PRKAG2: variants seen among roughly 807,000 people sequenced by gnomAD.
The protein encoded by PRKAG2 is protein kinase AMP-activated non-catalytic subunit gamma 2.
In PRKAG2, 26 loss-of-function variants were observed where a neutral mutation model predicts 69.6. That is an observed-to-expected ratio of 0.37 (90% CI 0.27 to 0.52). PRKAG2 has a LOEUF of 0.52. Among genes scored for constraint, PRKAG2 ranks in the 20% least tolerant of loss-of-function variants. PRKAG2 has a pLI of 0.90. For synonymous variants in PRKAG2, 293 were observed against 285.0 expected (o/e 1.03, Z -0.28); for missense variants, 557 against 740.0 (o/e 0.75, Z 2.87).
intron 3 of PRKAG2, among the ~76,000 whole-genome samples, chr7:151,725,754 G>A (rs576385406): frequency 6.6e-6 from 1 of 152,168 alleles, no homozygotes; most frequent in Non-Finnish European, 1.5e-5. Context: ...TCAGCACCCG[G>A]GGCCCCCAGG....
chr7:151,667,925 T>A (rs944402350), intron 4 of PRKAG2, among the ~76,000 whole-genome samples: 1 of 152,220 alleles, frequency 6.6e-6, no homozygotes, highest in Non-Finnish European at 1.5e-5. Context: ...ATGGTGGTTA[T>A]GTTAAGTTTT....
chr7:151,819,325 G>A (rs534354799), intron 1 of PRKAG2, among the ~76,000 whole-genome samples: 1 of 152,296 alleles, frequency 6.6e-6, no homozygotes, highest in South Asian at 2.1e-4. Context: ...TGGACCTGCC[G>A]CCTAAAATCG....
At chr7:151,761,381 A>T (rs1174309561) in intron 3 of PRKAG2, among the ~76,000 whole-genome samples, 3 of 152,168 alleles carry the variant, frequency 2.0e-5, no homozygotes, top group Non-Finnish European at 4.4e-5. Flanking sequence ...TGTAGATAAC[A>T]TCACTATTAG....
intron 1 of PRKAG2, among the ~76,000 whole-genome samples, chr7:151,873,939 A>T (rs944552517): frequency 7.9e-5 from 12 of 152,034 alleles, no homozygotes; most frequent in African/African-American, 2.4e-4. Context: ...ATATTTTTTT[A>T]AAAAACTAGG....
chr7:151,736,190 T>C, intron 3 of PRKAG2: 1 of 1,417,998 alleles, frequency 7.1e-7, no homozygotes, highest in Non-Finnish European at 9.2e-7. Context: ...CAGGGCGACC[T>C]CACCGCAGCC....
chr7:151,560,850 T>C (rs767968381), intron 14 of PRKAG2, among the ~76,000 whole-genome samples: 3 of 151,678 alleles, frequency 2.0e-5, no homozygotes, highest in Admixed American at 1.3e-4. Flanking sequence ...GAAGTGGAGG[T>C]TGCAGTGGGC....
Position 151,614,459 on chromosome 7 carries a change from C to A in PRKAG2, c.754+17610G>T, listed in dbSNP as rs1275103182. Among the ~76,000 whole-genome samples, 1 of 152,116 alleles carries A rather than the reference C, an allele frequency of 6.6e-6. No homozygotes were observed. Among genetic ancestry groups the A allele is most frequent in the Non-Finnish European group, 1.5e-5 (1 of 68,018 alleles). ...GCTGAAAAAATCAGGGCTGCGTGGACGCTCAGTCAGAGGAGAAAAGAGGCA... is the reference window on the plus strand; with the variant it reads ...GCTGAAAAAATCAGGGCTGCGTGGAAGCTCAGTCAGAGGAGAAAAGAGGCA... On this transcript the variant is annotated intron_variant, in intron 5 of 15. Transcript: ENST00000287878. This position sits in a 1 kb window ranked among gnomAD's most constrained non-coding sequence, Gnocchi z 4.4.
intron 1 of PRKAG2, among the ~76,000 whole-genome samples, chr7:151,866,018 T>TG (rs1586747407): frequency 2.3e-5 from 2 of 86,326 alleles, no homozygotes; most frequent in Non-Finnish European, 4.9e-5. Flanking sequence ...AGACTCTGTC[T>TG]CAAAAAAAAA....
intron 1 of PRKAG2, among the ~76,000 whole-genome samples, chr7:151,846,039 C>G (rs994880249): frequency 6.6e-6 from 1 of 152,192 alleles, no homozygotes. Context: ...GCCAGACCTC[C>G]CGGCCTGATC....
At chr7:151,574,005 CTG>C (rs1265501873) in intron 8 of PRKAG2, among the ~76,000 whole-genome samples, 1 of 152,156 alleles carries the variant, frequency 6.6e-6, no homozygotes, top group African/African-American at 2.4e-5. Flanking sequence ...TCTCCAACTC[CTG>C]ACCTCAAGTG....
chr7:151,821,807 C>T (rs1397914421), intron 1 of PRKAG2, among the ~76,000 whole-genome samples: 2 of 152,224 alleles, frequency 1.3e-5, no homozygotes, highest in Non-Finnish European at 1.5e-5. Flanking sequence ...GTCATTTAGC[C>T]TCTCTATGCC....
At chr7:151,792,726 G>A (rs958103345) in intron 1 of PRKAG2, among the ~76,000 whole-genome samples, 1 of 152,270 alleles carries the variant, frequency 6.6e-6, no homozygotes, top group African/African-American at 2.4e-5. Context: ...TACAATATCA[G>A]GGTCACGATA....
intron 1 of PRKAG2, among the ~76,000 whole-genome samples, chr7:151,817,860 C>T (rs1259276910): frequency 1.3e-5 from 2 of 152,162 alleles, no homozygotes; most frequent in Non-Finnish European, 2.9e-5. Flanking sequence ...AGCCTGGCTC[C>T]GTACAGCACA....
chr7:151,631,390 T>C (rs922372129), intron 5 of PRKAG2, among the ~76,000 whole-genome samples: 9 of 152,202 alleles, frequency 5.9e-5, no homozygotes, highest in African/African-American at 2.2e-4. Flanking sequence ...TCACATTCCA[T>C]TTTAAATATT....
At position 151,729,052 on chromosome 7, in the gene PRKAG2, G is replaced by A. The variant is rs531055986; in HGVS notation, c.466+52100C>T. ...AGTCCTCGGGGAGCAGCACCTCTGG[G>A]AGAGCTGGGCCACTTGTCCAGGGTT... On this transcript the variant is annotated intron_variant, in intron 3 of 15. Coordinates refer to ENST00000287878, the MANE Select transcript of PRKAG2 (RefSeq NM_016203.4). Among the ~76,000 whole-genome samples the A allele has an allele frequency of 6.1e-3, 927 of 151,970 alleles. 8 individuals are homozygous for A. The highest frequency in any genetic ancestry group is 0.023 in the South Asian group (108 of 4,616).
intron 1 of PRKAG2, among the ~76,000 whole-genome samples, chr7:151,859,611 G>A (rs973957600): frequency 2.0e-5 from 3 of 152,190 alleles, no homozygotes; most frequent in Admixed American, 6.5e-5. Flanking sequence ...GCCTGAGGCT[G>A]TGTGCCCAAG....
chr7:151,798,821 T>A (rs770140372), intron 1 of PRKAG2, among the ~76,000 whole-genome samples: 1 of 152,178 alleles, frequency 6.6e-6, no homozygotes, highest in Non-Finnish European at 1.5e-5. Context: ...CCGTACTTTA[T>A]GCCCAGAAAT....
intron 1 of PRKAG2, among the ~76,000 whole-genome samples, chr7:151,843,790 G>A (rs913553674): frequency 6.6e-6 from 1 of 152,170 alleles, no homozygotes; most frequent in South Asian, 2.1e-4. Flanking sequence ...CAAACATCTA[G>A]ACCAAAACCT....
chr7:151,792,800 C>T (rs1367808965), intron 1 of PRKAG2, among the ~76,000 whole-genome samples: 1 of 152,234 alleles, frequency 6.6e-6, no homozygotes, highest in Non-Finnish European at 1.5e-5. Flanking sequence ...ATTCTCCGCT[C>T]CTGCTGAGCG....
Sources: allele counts gnomAD v4.1 joint callset (sites outside exome capture counted in the v4.1 genomes callset), GRCh38; gene constraint gnomAD v4.1.1; non-coding constraint Gnocchi (gnomAD v3.1); transcripts MANE v1.5; gene names NCBI Gene and HGNC (gene_info 2026-07-23, HGNC 2026-07-21).